TRPV1: variants seen among roughly 807,000 people sequenced by gnomAD.
TRPV1 encodes the protein OTRPC1.
In TRPV1, 82 loss-of-function variants were observed where a neutral mutation model predicts 82.3. The observed-to-expected ratio is 1.00, with a 90% CI of 0.83 to 1.20. The LOEUF is 1.20. Among genes scored for constraint, TRPV1 ranks in the 50% most tolerant of loss-of-function variants. The pLI is 0.00. For synonymous variants in TRPV1, 515 were observed against 467.7 expected (o/e 1.10, Z -1.30); for missense variants, 1,067 against 1,096.8 (o/e 0.97, Z 0.38).
At chr17:3,575,300 T>C (rs566022387) in intron 13 of TRPV1, among the ~76,000 whole-genome samples, 1 of 152,192 alleles carries the variant, frequency 6.6e-6, no homozygotes, top group East Asian at 1.9e-4. Context: ...CTGAGTAACA[T>C]GGTAAAACCC....
intron 2 of TRPV1, among the ~76,000 whole-genome samples, chr17:3,597,870 C>T (rs1296865017): frequency 1.3e-5 from 2 of 152,192 alleles, no homozygotes; most frequent in Non-Finnish European, 2.9e-5. Flanking sequence ...GTCAGGGTTT[C>T]GCCATGTTGG....
intron 2 of TRPV1, among the ~76,000 whole-genome samples, chr17:3,603,734 G>GA (rs371004080): frequency 3.3e-5 from 5 of 152,068 alleles, no homozygotes; most frequent in East Asian, 3.9e-4. Context: ...GTTTTTTAAT[G>GA]AAAAAAACAA....
chr17:3,587,738 G>A (rs770082880), intron 8 of TRPV1, among the ~76,000 whole-genome samples: 5 of 151,844 alleles, frequency 3.3e-5, no homozygotes, highest in East Asian at 1.9e-4. Flanking sequence ...GCTTGAACCC[G>A]GGAGATAGAG....
At chr17:3,577,889 G>A in intron 11 of TRPV1, 126 bp from the exon 12 acceptor site, 1 of 857,190 alleles carries the variant, frequency 1.2e-6, no homozygotes, top group South Asian at 1.8e-5. Flanking sequence ...GGGTTGGGCT[G>A]TCCTGACTCT....
intron 2 of TRPV1, among the ~76,000 whole-genome samples, chr17:3,596,219 GGGAA>G (rs1298687741): frequency 2.4e-4 from 36 of 152,122 alleles, no homozygotes; most frequent in Non-Finnish European, 1.0e-4. Context: ...TACCCTCTGG[GGGAA>G]GGATCCCTTC....
chr17:3,599,666 T>C (rs1423568953), intron 2 of TRPV1, among the ~76,000 whole-genome samples: 2 of 151,072 alleles, frequency 1.3e-5, no homozygotes, highest in Non-Finnish European at 2.9e-5. Context: ...TCTCACTCTG[T>C]CCCCCAGGCT....
chr17:3,608,598 G>C (rs535862332), intron 1 of TRPV1, 33 bp from the exon 2 acceptor site: 6 of 152,308 alleles, frequency 3.9e-5, no homozygotes, highest in South Asian at 4.1e-4. Flanking sequence ...GAAAACTTGG[G>C]AACTGTTTGA....
intron 13 of TRPV1, among the ~76,000 whole-genome samples, chr17:3,575,894 C>T (rs932221513): frequency 1.3e-4 from 20 of 152,054 alleles, no homozygotes; most frequent in African/African-American, 3.4e-4. Context: ...ATTCTGAGGT[C>T]GCAAATGACA....
chr17:3,581,747 C>G (rs224524), intron 10 of TRPV1, among the ~76,000 whole-genome samples: 1 of 139,784 alleles, frequency 7.2e-6, no homozygotes, highest in Non-Finnish European at 1.6e-5. Context: ...TAGCCGGGCG[C>G]GGTGGCACGC....
At chr17:3,600,224 G>T (rs1354450428) in intron 2 of TRPV1, among the ~76,000 whole-genome samples, 1 of 152,196 alleles carries the variant, frequency 6.6e-6, no homozygotes, top group Non-Finnish European at 1.5e-5. Context: ...CAATGGCTGG[G>T]AAAGGGGATG....
At chr17:3,589,558 T>A (rs1193644891) in intron 7 of TRPV1, among the ~76,000 whole-genome samples, 1 of 152,138 alleles carries the variant, frequency 6.6e-6, no homozygotes, top group East Asian at 1.9e-4. Context: ...CCCAGCACCC[T>A]ACCCCACCCC....
At chr17:3,574,874 C>T (rs945666202) in intron 13 of TRPV1, among the ~76,000 whole-genome samples, 2 of 145,070 alleles carry the variant, frequency 1.4e-5, no homozygotes, top group South Asian at 2.2e-4. Flanking sequence ...TTGCAGATCG[C>T]GCCACTGCAC....
At chr17:3,580,364 T>TG (rs2074990309) in intron 11 of TRPV1, 93 bp downstream of exon 11, 13 of 1,309,640 alleles carry the variant, frequency 9.9e-6, no homozygotes, top group Non-Finnish European at 1.3e-5. Context: ...GAGGTCCCAC[T>TG]ATGTGCCAGG....
In TRPV1 at chr17:3,593,098, G is replaced by C. The variant is rs9900231; in HGVS notation, c.-33-715C>G. Among the ~76,000 whole-genome samples, 154 of 35,932 alleles carry C rather than the reference G, an allele frequency of 4.3e-3. 1 individual carries two copies. Among genetic ancestry groups the C allele is most frequent in the African/African-American group, 0.016 (145 of 8,926 alleles). 23.6% of individuals were successfully genotyped at this position (35,932 alleles called of 152,430 possible). A position where few individuals can be genotyped will look rare whatever the true frequency, so the allele number is the denominator to read the frequency against. ...TGTTTAGGCGTGTGTGTGTGTGTGT[G>C]TGTGTGTGTGTGTGTGTGTGTGTGT... On this transcript the variant is annotated intron_variant, in intron 2 of 16. Transcript: ENST00000572705.
chr17:3,586,076 G>T, intron 8 of TRPV1, 150 bp from the exon 9 acceptor site: 2 of 1,028,886 alleles, frequency 1.9e-6, no homozygotes, highest in Non-Finnish European at 2.8e-6. Flanking sequence ...CCAGCCGGCA[G>T]CCATAGCCTG....
chr17:3,567,616 C>T (rs550485369), intron 16 of TRPV1, among the ~76,000 whole-genome samples: 46 of 151,746 alleles, frequency 3.0e-4, no homozygotes, highest in East Asian at 2.9e-3. Context: ...CCTGCCCCAG[C>T]GGGAGGGAGA....
intron 2 of TRPV1, chr17:3,602,212 A>G (rs1018683868): frequency 1.3e-5 from 2 of 152,258 alleles, no homozygotes; most frequent in Non-Finnish European, 1.5e-5. Flanking sequence ...TTGTATAGAC[A>G]TGTAACGTCA....
At position 3,571,571 on chromosome 17, in the gene TRPV1, C is replaced by T. The variant is rs371928095; in HGVS notation, c.2300G>A (p.Cys767Tyr). The T allele has an allele frequency of 6.8e-6, 11 of 1,612,436 alleles. No homozygotes were observed. The African/African-American group carries it at 1.3e-4, about 20-fold the overall frequency. Residue 767 changes from cysteine (C) to tyrosine (Y), a missense_variant, in exon 16 of 17, where the codon TGT (cysteine) becomes TAT (tyrosine). Physicochemically the swap from Cys to Tyr is radical, Grantham distance 194. Transcript: ENST00000572705. ...GCTCAGGGTGCGCTTGACGCCCTCA[C>T]AGTTGCCCGGGTCTTCGTTGATGAT... ...VGIINEDPGN[C>Y]EGVKRTLSFS...
chr17:3,586,638 G>A (rs2075088609), intron 8 of TRPV1, among the ~76,000 whole-genome samples: 1 of 152,168 alleles, frequency 6.6e-6, no homozygotes, highest in African/African-American at 2.4e-5. Context: ...AGGCATGGTG[G>A]TGGGTGCCTG....
Sources: allele counts gnomAD v4.1 joint callset (sites outside exome capture counted in the v4.1 genomes callset), GRCh38; gene constraint gnomAD v4.1.1; transcripts MANE v1.5; gene names NCBI Gene and HGNC (gene_info 2026-07-23, HGNC 2026-07-21).